The following SNTG1 variants were observed in gnomAD, a reference collection of about 807,000 sequenced individuals.
SNTG1 encodes syntrophin gamma 1, also known as gamma-1-syntrophin.
A neutral mutation model predicts 74.7 loss-of-function variants in SNTG1; 39 were observed. The ratio of observed to expected loss-of-function variants is 0.52; its 90% confidence interval spans 0.40 to 0.68. The LOEUF (loss-of-function observed/expected upper bound fraction) is 0.68. Among genes scored for constraint, SNTG1 ranks in the 30% least tolerant of loss-of-function variants. SNTG1 has a pLI of 0.00. For missense variants in SNTG1, 685 were observed against 609.5 expected (o/e 1.12, Z -1.30); for synonymous variants, 254 against 217.1 (o/e 1.17, Z -1.49).
chr8:49,923,309 T>A (rs1481948537), intron 1 of SNTG1, among the ~76,000 whole-genome samples: 1 of 152,182 alleles, frequency 6.6e-6, no homozygotes, highest in Admixed American at 6.6e-5. Context: ...TCTTTATTTC[T>A]GTGAAACATT....
chr8:50,047,169 T>C (rs1017090970), intron 1 of SNTG1, among the ~76,000 whole-genome samples: 11 of 152,024 alleles, frequency 7.2e-5, no homozygotes, highest in African/African-American at 2.7e-4. Flanking sequence ...TAAAACCCCA[T>C]GTCTACAAAA....
intron 2 of SNTG1, among the ~76,000 whole-genome samples, chr8:50,282,339 G>A (rs1247542972): frequency 6.7e-6 from 1 of 148,856 alleles, no homozygotes. Context: ...TCGGCCAGAA[G>A]CCCCTCTCAC....
At chr8:50,604,655 T>A (rs188596086) in intron 13 of SNTG1, among the ~76,000 whole-genome samples, 182 of 152,224 alleles carry the variant, frequency 1.2e-3, no homozygotes, top group Non-Finnish European at 6.6e-4. Context: ...GTGGGCTCCC[T>A]TCTACTACAG....
intron 15 of SNTG1, among the ~76,000 whole-genome samples, chr8:50,662,384 A>T (rs2095228614): frequency 6.6e-6 from 1 of 152,198 alleles, no homozygotes; most frequent in African/African-American, 2.4e-5. Flanking sequence ...TATCTGGTAC[A>T]TATAGTTTAT....
chr8:50,728,520 T>C (rs2095505484), intron 17 of SNTG1, among the ~76,000 whole-genome samples: 1 of 152,136 alleles, frequency 6.6e-6, no homozygotes, highest in Non-Finnish European at 1.5e-5. Flanking sequence ...AAGAGCCCAA[T>C]ATTATCAATC....
At chr8:50,209,511 C>A (rs1486598820) in intron 2 of SNTG1, among the ~76,000 whole-genome samples, 1 of 152,150 alleles carries the variant, frequency 6.6e-6, no homozygotes, top group Non-Finnish European at 1.5e-5. Flanking sequence ...AGGTGCCCCC[C>A]TGAGATGAAG....
intron 1 of SNTG1, among the ~76,000 whole-genome samples, chr8:49,973,613 T>G (rs779832577): frequency 4.0e-4 from 60 of 151,814 alleles, no homozygotes; most frequent in Non-Finnish European, 1.3e-4. Flanking sequence ...TATGCATCAG[T>G]GTATCTTATA....
At chr8:50,424,347 C>T (rs996277583) in intron 4 of SNTG1, among the ~76,000 whole-genome samples, 1 of 152,102 alleles carries the variant, frequency 6.6e-6, no homozygotes, top group Admixed American at 6.5e-5. Context: ...CAAGAGAAAG[C>T]CTCAACAACA....
intron 2 of SNTG1, among the ~76,000 whole-genome samples, chr8:50,336,358 T>C (rs2091142223): frequency 6.6e-6 from 1 of 152,140 alleles, no homozygotes; most frequent in African/African-American, 2.4e-5. Flanking sequence ...TTCTGTGCAC[T>C]GCCTGCTGTT....
chr8:50,512,114 G>A (rs1295528340), intron 9 of SNTG1, among the ~76,000 whole-genome samples: 1 of 151,868 alleles, frequency 6.6e-6, no homozygotes, highest in East Asian at 1.9e-4. Context: ...AGGCCTGGTG[G>A]TGACAAAATC....
chr8:50,643,329 T>G (rs555524796), intron 13 of SNTG1, among the ~76,000 whole-genome samples: 1 of 152,320 alleles, frequency 6.6e-6, no homozygotes, highest in East Asian at 1.9e-4. Flanking sequence ...TTTCAATGTC[T>G]TGAAAGAAGC....
intron 2 of SNTG1, among the ~76,000 whole-genome samples, chr8:50,207,250 T>A (rs965641025): frequency 6.6e-6 from 1 of 152,186 alleles, no homozygotes; most frequent in Non-Finnish European, 1.5e-5. Context: ...CAGAGCCTGT[T>A]ATTGGTCTAT....
At chr8:50,503,159 C>A (rs1320485557) in intron 9 of SNTG1, among the ~76,000 whole-genome samples, 3 of 152,042 alleles carry the variant, frequency 2.0e-5, no homozygotes, top group Non-Finnish European at 4.4e-5. Context: ...ATGCATTATG[C>A]ATGTCTATTA....
intron 2 of SNTG1, among the ~76,000 whole-genome samples, chr8:50,217,381 A>T (rs1316076017): frequency 1.3e-5 from 2 of 152,076 alleles, no homozygotes; most frequent in East Asian, 3.9e-4. Context: ...CTATATATAT[A>T]TTATATGTCA....
At chr8:50,085,306 CT>C (rs1822779779) in intron 1 of SNTG1, among the ~76,000 whole-genome samples, 1 of 152,142 alleles carries the variant, frequency 6.6e-6, no homozygotes, top group South Asian at 2.1e-4. Context: ...CTACACTCTC[CT>C]TTTTAAATGT....
At chr8:50,358,346 A>G (rs1346646104) in intron 2 of SNTG1, among the ~76,000 whole-genome samples, 1 of 152,182 alleles carries the variant, frequency 6.6e-6, no homozygotes, top group Non-Finnish European at 1.5e-5. Flanking sequence ...AACTTCATTA[A>G]CTAATGGAGG....
intron 2 of SNTG1, among the ~76,000 whole-genome samples, chr8:50,276,363 C>G (rs1460603241): frequency 7.3e-6 from 1 of 137,542 alleles, no homozygotes; most frequent in Non-Finnish European, 1.5e-5. Flanking sequence ...CATATATGTG[C>G]AAGTAAATTT....
chr8:50,624,453 A>T lies in SNTG1; in HGVS notation c.850-32456A>T, dbSNP rs981985138. Among the ~76,000 whole-genome samples, 3 of 152,184 alleles carry T rather than the reference A, an allele frequency of 2.0e-5. No homozygotes were observed. The East Asian group carries it at 5.8e-4, about 29-fold the overall frequency. ...TTGTTATTGGGTCACTAAAATGACC[A>T]AAATGGCCCTGGATGTCATTTTAAG... On this transcript the variant is annotated intron_variant, in intron 13 of 18. Transcript: ENST00000642720.
chr8:50,467,183 A>C (rs905443828), intron 8 of SNTG1, among the ~76,000 whole-genome samples: 30 of 152,088 alleles, frequency 2.0e-4, no homozygotes, highest in African/African-American at 7.0e-4. Context: ...GTTATCACAG[A>C]ATGAGTTACA....
Sources: gnomAD v4.1 joint callset for allele counts (sites outside exome capture counted in the v4.1 genomes callset) on GRCh38, gnomAD v4.1.1 for gene constraint, MANE v1.5 for transcripts, NCBI Gene and HGNC (gene_info 2026-07-23, HGNC 2026-07-21) for gene names.